MCC: variants seen among roughly 807,000 people sequenced by gnomAD.
MCC encodes colorectal mutant cancer protein.
MCC carries 90 observed loss-of-function variants against 116.2 expected under a neutral mutation model. The observed-to-expected ratio is 0.77, with a 90% CI of 0.65 to 0.92. MCC has a LOEUF of 0.92. Among genes scored for constraint, MCC ranks in the 40% least tolerant of loss-of-function variants. MCC has a pLI of 0.00. For missense variants in MCC, 1,516 were observed against 1,312.2 expected (o/e 1.16, Z -2.40); for synonymous variants, 578 against 510.5 (o/e 1.13, Z -1.78).
intron 3 of MCC, among the ~76,000 whole-genome samples, chr5:113,166,641 G>A (rs1304920779): frequency 2.0e-5 from 3 of 148,828 alleles, no homozygotes; most frequent in Non-Finnish European, 4.4e-5. Context: ...TGGATAAACA[G>A]GACTATAAGA....
intron 3 of MCC, among the ~76,000 whole-genome samples, chr5:113,270,606 A>G (rs1484961812): frequency 6.7e-6 from 1 of 149,800 alleles, no homozygotes; most frequent in African/African-American, 2.5e-5. Context: ...TGTATCCCAC[A>G]CAATGGGACA....
intron 1 of MCC, among the ~76,000 whole-genome samples, chr5:113,470,271 T>C (rs1772047186): frequency 6.6e-6 from 1 of 152,362 alleles, no homozygotes; most frequent in East Asian, 1.9e-4. Context: ...AGTTTCTTCC[T>C]AGCCTTGATC....
chr5:113,440,500 C>T (rs1771003587), intron 1 of MCC, among the ~76,000 whole-genome samples: 1 of 151,818 alleles, frequency 6.6e-6, no homozygotes, highest in Non-Finnish European at 1.5e-5. Context: ...TCTTATTGGT[C>T]TTTGGATTCT....
rs1310299300 is a variant in MCC at position 113,024,201 on chromosome 5, G to A, written c.*3101C>T. ...GACTTAGTGCATGCATCTGAAAGGA[G>A]AATTAAGCAATTTTAAAAGTTAAGT... On this transcript the variant is annotated 3_prime_UTR_variant, in exon 19 of 19. Coordinates refer to ENST00000408903, the MANE Select transcript of MCC (RefSeq NM_001085377.2). The A allele has an allele frequency of 6.6e-6, 1 of 152,210 alleles. No homozygotes were observed. The highest frequency in any genetic ancestry group is 6.5e-5 in the Admixed American group (1 of 15,280). 9.4% of individuals were successfully genotyped at this position (152,210 alleles called of 1,614,324 possible). A position where few individuals can be genotyped will look rare whatever the true frequency, so the allele number is the denominator to read the frequency against.
intron 3 of MCC, among the ~76,000 whole-genome samples, chr5:113,293,035 G>A (rs1766568499): frequency 6.6e-6 from 1 of 152,152 alleles, no homozygotes. Flanking sequence ...GGCAACAGCC[G>A]TTAAGGATTA....
chr5:113,487,169 T>G (rs1252618791), intron 1 of MCC, among the ~76,000 whole-genome samples: 4 of 151,662 alleles, frequency 2.6e-5, no homozygotes, highest in African/African-American at 9.7e-5. Flanking sequence ...TTTTTTATTT[T>G]AAGGGAAAAA....
intron 2 of MCC, among the ~76,000 whole-genome samples, chr5:113,363,860 A>G (rs1768610634): frequency 6.6e-6 from 1 of 152,204 alleles, no homozygotes; most frequent in Admixed American, 6.5e-5. Flanking sequence ...AATCAAAACA[A>G]GTTAGTTACA....
intron 3 of MCC, among the ~76,000 whole-genome samples, chr5:113,257,034 C>G (rs993035049): frequency 2.0e-5 from 3 of 152,150 alleles, no homozygotes; most frequent in Admixed American, 1.3e-4. Context: ...TCCATTACAT[C>G]TCGTTGCACC....
At chr5:113,456,522 T>C (rs1266434851) in intron 1 of MCC, among the ~76,000 whole-genome samples, 1 of 151,778 alleles carries the variant, frequency 6.6e-6, no homozygotes, top group East Asian at 1.9e-4. Flanking sequence ...AGTGGTGTGA[T>C]CTTGGCTCAC....
chr5:113,283,868 C>A (rs2150358200), intron 3 of MCC, among the ~76,000 whole-genome samples: 1 of 152,316 alleles, frequency 6.6e-6, no homozygotes, highest in East Asian at 1.9e-4. Flanking sequence ...CTTCTGCCAC[C>A]TGGGACAGCA....
chr5:113,109,785 T>C (rs1040127070), intron 6 of MCC, among the ~76,000 whole-genome samples: 4 of 152,218 alleles, frequency 2.6e-5, no homozygotes, highest in African/African-American at 4.8e-5. Flanking sequence ...TGTAATTTAA[T>C]TAAAAAAAAT....
Position 113,100,464 on chromosome 5 carries a change from CTTTTTTTTTTTT to C in MCC, c.1398+1263_1398+1274del, listed in dbSNP as rs10649958. On this transcript the variant is annotated intron_variant, in intron 8 of 18. Transcript: ENST00000408903. Reference sequence around the variant, plus strand: ...TGAGACCCACTAGATGTATTTTTCCCTTTTTTTTTTTTTTTTTTTTTTTTGGACATGGAGTCT... The same window carrying C: ...TGAGACCCACTAGATGTATTTTTCCCTTTTTTTTTTTTGGACATGGAGTCT... 6.8e-4 allele frequency among the ~76,000 whole-genome samples: 54 copies of C among 78,856 alleles called. No homozygotes were observed. In the South Asian group the frequency reaches 7.5e-3, roughly 11 times the overall value. 51.7% of individuals were successfully genotyped at this position (78,856 alleles called of 152,430 possible).
At chr5:113,323,361 T>C (rs1767473059) in intron 3 of MCC, 1 of 152,028 alleles carries the variant, frequency 6.6e-6, no homozygotes. Context: ...AGAAGAGAGG[T>C]GGGTGAGAAG....
At chr5:113,181,874 T>G (rs4398626) in intron 3 of MCC, among the ~76,000 whole-genome samples, 8,393 of 152,260 alleles carry the variant, frequency 0.055, 276 homozygotes, top group East Asian at 0.078. Flanking sequence ...CTGTAAATTC[T>G]GAGGCCCAGG....
At chr5:113,161,290 G>A (rs1760467957) in intron 3 of MCC, among the ~76,000 whole-genome samples, 1 of 152,036 alleles carries the variant, frequency 6.6e-6, no homozygotes, top group Admixed American at 6.5e-5. Flanking sequence ...GCTAATCAGG[G>A]GACATGAATA....
chr5:113,135,841 C>T (rs952191327), intron 5 of MCC, among the ~76,000 whole-genome samples: 4 of 151,996 alleles, frequency 2.6e-5, no homozygotes, highest in Non-Finnish European at 4.4e-5. Flanking sequence ...GCCAGGAGTT[C>T]GAGAACATCC....
chr5:113,191,609 A>C (rs577795330), intron 3 of MCC, among the ~76,000 whole-genome samples: 25 of 152,242 alleles, frequency 1.6e-4, no homozygotes, highest in Non-Finnish European at 3.4e-4. Context: ...TGATGCAGGC[A>C]GAGGTTTCCT....
At chr5:113,143,824 A>G (rs1275606641) in intron 4 of MCC, among the ~76,000 whole-genome samples, 1 of 152,168 alleles carries the variant, frequency 6.6e-6, no homozygotes, top group African/African-American at 2.4e-5. Flanking sequence ...AAGTTCCTTT[A>G]TGGCTGTTCA....
At chr5:113,483,254 C>T (rs546586751) in intron 1 of MCC, among the ~76,000 whole-genome samples, 53 of 152,272 alleles carry the variant, frequency 3.5e-4, no homozygotes, top group African/African-American at 1.2e-3. Flanking sequence ...CTTCTGGGTC[C>T]TTTAAGTTTC....
Sources: allele counts gnomAD v4.1 joint callset (sites outside exome capture counted in the v4.1 genomes callset), GRCh38; gene constraint gnomAD v4.1.1; transcripts MANE v1.5; gene names NCBI Gene and HGNC (gene_info 2026-07-23, HGNC 2026-07-21).